COL14A1: variants seen among roughly 807,000 people sequenced by gnomAD.
COL14A1 encodes the protein collagen type XIV alpha 1 chain.
Under a neutral mutation model 230.3 loss-of-function variants are expected in COL14A1, and 136 were observed. The observed-to-expected ratio is 0.59, with a 90% CI of 0.51 to 0.68. The LOEUF is 0.68. Ranked by LOEUF, COL14A1 falls within the 30% of genes least tolerant of loss-of-function variation. COL14A1 has a pLI of 0.00. For synonymous variants in COL14A1, 792 were observed against 784.1 expected (o/e 1.01, Z -0.17); for missense variants, 1,976 against 2,215.8 (o/e 0.89, Z 2.17).
intron 3 of COL14A1, among the ~76,000 whole-genome samples, chr8:120,161,990 C>A (rs1000818451): frequency 6.6e-6 from 1 of 152,202 alleles, no homozygotes; most frequent in African/African-American, 2.4e-5. Flanking sequence ...AAGTGGAATT[C>A]TTTCCTTGAA....
chr8:120,205,870 G>C (rs1282884143), intron 9 of COL14A1, among the ~76,000 whole-genome samples: 1 of 152,018 alleles, frequency 6.6e-6, no homozygotes. Flanking sequence ...GCTCTTAAAG[G>C]GTGAGAAATT....
chr8:120,320,015 C>T (rs1336377147), intron 40 of COL14A1, among the ~76,000 whole-genome samples: 1 of 151,518 alleles, frequency 6.6e-6, no homozygotes, highest in Non-Finnish European at 1.5e-5. Context: ...CAGGACCTAT[C>T]CTGTGATCTT....
intron 40 of COL14A1, among the ~76,000 whole-genome samples, chr8:120,320,966 G>A (rs1373391847): frequency 1.3e-5 from 2 of 152,146 alleles, no homozygotes; most frequent in Admixed American, 6.5e-5. Flanking sequence ...CTCAGAAAAC[G>A]GAAGAAACAA....
Position 120,266,873 on chromosome 8 carries a change from A to G in COL14A1, c.3063A>G (p.Pro1021=). 2 of 1,611,170 alleles carry G rather than the reference A, an allele frequency of 1.2e-6. No homozygotes were observed. Among genetic ancestry groups the G allele is most frequent in the Non-Finnish European group, 1.7e-6 (2 of 1,177,684 alleles). ...RPPTFPPTIP[P]AKEVCKAAKA... Reference sequence around the variant, plus strand: ...CAACTTTTCCTCCAACCATTCCACCAGCAAAAGAAGGTAAAAGAATAATAG... The same window carrying G: ...CAACTTTTCCTCCAACCATTCCACCGGCAAAAGAAGGTAAAAGAATAATAG... Residue 1021 remains proline (P), a synonymous_variant, in exon 25 of 48, where the codon CCA becomes CCG. Coordinates refer to ENST00000297848, the MANE Select transcript of COL14A1 (RefSeq NM_021110.4).
intron 45 of COL14A1, among the ~76,000 whole-genome samples, chr8:120,354,052 T>C (rs1822878890): frequency 8.0e-6 from 1 of 125,308 alleles, no homozygotes; most frequent in South Asian, 3.0e-4. Flanking sequence ...CATGGAATAC[T>C]ATGCAGCCAT....
At chr8:120,370,843 A>T (rs6469922) in intron 47 of COL14A1, 1,232,533 of 1,305,734 alleles carry the variant, frequency 0.94, 582,017 homozygotes, top group East Asian at 0.99. Context: ...GAGATTTTTT[A>T]AAAAAATTTC....
At chr8:120,272,814 C>G (rs1165728778) in intron 26 of COL14A1, among the ~76,000 whole-genome samples, 2 of 151,422 alleles carry the variant, frequency 1.3e-5, no homozygotes, top group African/African-American at 2.4e-5. Flanking sequence ...ACTGCTAGAC[C>G]TAAGAAGTAA....
intron 40 of COL14A1, among the ~76,000 whole-genome samples, chr8:120,330,126 G>A (rs1447266452): frequency 1.3e-5 from 2 of 152,186 alleles, no homozygotes; most frequent in African/African-American, 4.8e-5. Flanking sequence ...ACTCAGCCAT[G>A]TGGCTCCAGC....
chr8:120,162,167 A>G (rs1815699506), intron 3 of COL14A1, among the ~76,000 whole-genome samples: 1 of 152,234 alleles, frequency 6.6e-6, no homozygotes, highest in Non-Finnish European at 1.5e-5. Flanking sequence ...GCTAAAAAGG[A>G]AGATGGAAAC....
At chr8:120,203,950 C>A in intron 9 of COL14A1, 80 bp downstream of exon 9, 1 of 1,432,276 alleles carries the variant, frequency 7.0e-7, no homozygotes, top group Non-Finnish European at 9.4e-7. Flanking sequence ...AAATTCTTTT[C>A]ATTTTTCATG....
chr8:120,353,576 C>T (rs544461934), intron 45 of COL14A1, among the ~76,000 whole-genome samples: 36 of 150,978 alleles, frequency 2.4e-4, no homozygotes, highest in Admixed American at 9.2e-4. Context: ...AAAAAGTGGG[C>T]GAAGGACATG....
In COL14A1 at chr8:120,341,325, G is replaced by C; in HGVS notation, c.4786G>C (p.Gly1596Arg). 1 of 1,614,114 alleles carries C rather than the reference G, an allele frequency of 6.2e-7. No individual in the cohort carries two copies. Among genetic ancestry groups the C allele is most frequent in the Non-Finnish European group, 8.5e-7 (1 of 1,179,982 alleles). ...ACTTGACAATTTTCCATTTATACAG[G>C]GTGTCCCTGGAGCAAAGGGGGAACG... is the stretch of plus-strand genomic sequence containing the variant. ...MGPQGALGPP[G>R]VPGAKGERGE... The change falls in exon 43 of 48, where the codon GGT becomes CGT. Residue 1596 changes from glycine (G) to arginine (R), a missense_variant and splice_region_variant. Physicochemically the swap from Gly to Arg is moderately radical, Grantham distance 125. Around this residue, in one of 3 missense-constraint regions of COL14A1, gnomAD observed 1,791 missense variants for 2,019.5 expected, o/e 0.89. Transcript: ENST00000297848.
chr8:120,328,947 T>C (rs1195909957), intron 40 of COL14A1, among the ~76,000 whole-genome samples: 1 of 152,154 alleles, frequency 6.6e-6, no homozygotes, highest in Non-Finnish European at 1.5e-5. Flanking sequence ...GGCAGTTGTG[T>C]TGGCCACGGG....
At chr8:120,248,645 C>A (rs560005030) in intron 21 of COL14A1, among the ~76,000 whole-genome samples, 1 of 152,020 alleles carries the variant, frequency 6.6e-6, no homozygotes, top group Non-Finnish European at 1.5e-5. Flanking sequence ...TTGCTTGAGT[C>A]CAGGAGTTTG....
chr8:120,348,183 G>A (rs902106578), intron 45 of COL14A1, among the ~76,000 whole-genome samples: 1 of 147,648 alleles, frequency 6.8e-6, no homozygotes, highest in African/African-American at 2.5e-5. Context: ...ATATATATAT[G>A]AAGCATATAT....
intron 32 of COL14A1, among the ~76,000 whole-genome samples, chr8:120,285,265 A>G (rs911372620): frequency 1.3e-5 from 2 of 151,890 alleles, no homozygotes; most frequent in Non-Finnish European, 2.9e-5. Flanking sequence ...CATCCTGAAC[A>G]TGAGGTCAGG....
chr8:120,310,013 G>T lies in COL14A1; in HGVS notation c.4406G>T (p.Gly1469Val). ...TACTTAACATCTGTTTGCCAGGGTG[G>T]TCCAGGACTCCGAGGACCAAAGGGC... ...VALGPAGPPG[G>V]PGLRGPKGQQ... The change falls in exon 37 of 48, where the codon GGT (glycine) becomes GTT (valine). Residue 1469 changes from glycine (G) to valine (V), a missense_variant. Transcript: ENST00000297848. The T allele has an allele frequency of 6.2e-7, 1 of 1,613,776 alleles. No individual in the cohort carries two copies. The highest frequency in any genetic ancestry group is 8.5e-7 in the Non-Finnish European group (1 of 1,179,830).
intron 5 of COL14A1, among the ~76,000 whole-genome samples, chr8:120,191,509 A>T (rs1816826020): frequency 6.6e-6 from 1 of 151,214 alleles, no homozygotes; most frequent in African/African-American, 2.4e-5. Context: ...TGCTGAAAAA[A>T]ATGTATATTC....
intron 1 of COL14A1, among the ~76,000 whole-genome samples, chr8:120,136,683 G>T (rs572163100): frequency 3.0e-4 from 46 of 151,984 alleles, no homozygotes; most frequent in Middle Eastern, 3.4e-3. Flanking sequence ...TTATGTTAGG[G>T]CTGGGTGTGG....
Sources: gnomAD v4.1 joint callset for allele counts (sites outside exome capture counted in the v4.1 genomes callset) on GRCh38, gnomAD v4.1.1 for gene constraint, gnomAD v4.1.1 regional missense constraint, MANE v1.5 for transcripts, NCBI Gene and HGNC (gene_info 2026-07-23, HGNC 2026-07-21) for gene names.